The following RUNX2 variants were observed in gnomAD, a reference collection of about 807,000 sequenced individuals.
RUNX2 encodes the protein RUNX family transcription factor 2.
In RUNX2, 10 loss-of-function variants were observed where a neutral mutation model predicts 51.7. The ratio of observed to expected loss-of-function variants is 0.19; its 90% CI spans 0.12 to 0.33. The LOEUF is 0.33. Ranked by LOEUF, RUNX2 falls within the 10% of genes least tolerant of loss-of-function variation. The pLI is 1.00. For synonymous variants in RUNX2, 276 were observed against 273.6 expected, an observed-to-expected ratio of 1.01 and a Z score of -0.09; for missense variants, 562 against 691.3, an observed-to-expected ratio of 0.81 and a Z score of 2.10.
At chr6:45,393,679 C>T (rs894759201) in intron 2 of RUNX2, among the ~76,000 whole-genome samples, 6 of 152,146 alleles carry the variant, frequency 3.9e-5, no homozygotes, top group Admixed American at 2.0e-4. Flanking sequence ...CTACCCACCT[C>T]GGCCTCCCAA....
chr6:45,527,976 T>C (rs549899741), intron 7 of RUNX2, among the ~76,000 whole-genome samples: 86 of 152,316 alleles, frequency 5.6e-4, no homozygotes, highest in South Asian at 1.5e-3. Flanking sequence ...GACTCACAGT[T>C]CCACATGGTT....
intron 7 of RUNX2, among the ~76,000 whole-genome samples, chr6:45,524,218 AATTTTTTT>A (rs1251290909): frequency 6.6e-6 from 1 of 152,218 alleles, no homozygotes; most frequent in Non-Finnish European, 1.5e-5. Context: ...ATACTGCCTA[AATTTTTTT>A]ATATGACTCA....
intron 2 of RUNX2, among the ~76,000 whole-genome samples, chr6:45,387,931 GA>G (rs1162275517): frequency 6.6e-6 from 1 of 152,208 alleles, no homozygotes; most frequent in Non-Finnish European, 1.5e-5. Flanking sequence ...TAGTGACTTG[GA>G]AAGTCCTATA....
chr6:45,392,297 G>A (rs1033781137), intron 2 of RUNX2, among the ~76,000 whole-genome samples: 1 of 152,114 alleles, frequency 6.6e-6, no homozygotes, highest in Non-Finnish European at 1.5e-5. Context: ...TTGAGGCTGG[G>A]AGTTTGAGAC....
At chr6:45,381,918 C>G (rs1230161309) in intron 2 of RUNX2, among the ~76,000 whole-genome samples, 1 of 152,082 alleles carries the variant, frequency 6.6e-6, no homozygotes, top group Non-Finnish European at 1.5e-5. Context: ...TTTTACAGTA[C>G]CAGGTAGCTT....
At chr6:45,438,191 G>A in intron 5 of RUNX2, 140 bp downstream of exon 5, 1 of 647,234 alleles carries the variant, frequency 1.5e-6, no homozygotes. Flanking sequence ...TTTTTTTAGT[G>A]AGGGAGAGTT....
At chr6:45,374,072 C>A (rs531321726) in intron 2 of RUNX2, among the ~76,000 whole-genome samples, 5 of 152,306 alleles carry the variant, frequency 3.3e-5, no homozygotes, top group African/African-American at 1.2e-4. Context: ...ATGCCACCAA[C>A]AGTCCTATGA....
At chr6:45,538,976 A>G (rs1195397793) in intron 7 of RUNX2, among the ~76,000 whole-genome samples, 1 of 152,004 alleles carries the variant, frequency 6.6e-6, no homozygotes, top group Non-Finnish European at 1.5e-5. Context: ...TAGGATTTAA[A>G]AAGTTCTTAA....
chr6:45,383,718 T>C (rs1182375857), intron 2 of RUNX2, among the ~76,000 whole-genome samples: 2 of 152,240 alleles, frequency 1.3e-5, no homozygotes, highest in African/African-American at 2.4e-5. Context: ...AGTATTTTCA[T>C]TGAAACTGAA....
chr6:45,357,200 G>T (rs1581864246), intron 2 of RUNX2, among the ~76,000 whole-genome samples: 1 of 151,914 alleles, frequency 6.6e-6, no homozygotes, highest in Non-Finnish European at 1.5e-5. Flanking sequence ...GTAGAGACGG[G>T]GTTTCACCAT....
chr6:45,541,674 T>G (rs1326088334), intron 7 of RUNX2, among the ~76,000 whole-genome samples: 1 of 152,244 alleles, frequency 6.6e-6, no homozygotes, highest in Non-Finnish European at 1.5e-5. Context: ...GGACTCTGAA[T>G]ATGCCAGCAT....
chr6:45,458,419 A>G (rs539145123), intron 5 of RUNX2, among the ~76,000 whole-genome samples: 13 of 152,342 alleles, frequency 8.5e-5, no homozygotes, highest in African/African-American at 3.1e-4. Flanking sequence ...AACTACCTAG[A>G]GTCTGTGTTT....
chr6:45,443,028 A>C (rs1798884672), intron 5 of RUNX2, among the ~76,000 whole-genome samples: 1 of 139,162 alleles, frequency 7.2e-6, no homozygotes, highest in Admixed American at 7.4e-5. Context: ...GAGAGTTCTC[A>C]GGCCTTGCTT....
chr6:45,437,808 A>G (rs1798727565), intron 4 of RUNX2, 139 bp from the exon 5 acceptor site: 1 of 720,826 alleles, frequency 1.4e-6, no homozygotes, highest in Non-Finnish European at 2.5e-6. Flanking sequence ...CCAATTTAGA[A>G]GAAGGAGTCC....
chr6:45,384,095 A>G (rs1563062011), intron 2 of RUNX2, among the ~76,000 whole-genome samples: 1 of 152,244 alleles, frequency 6.6e-6, no homozygotes, highest in Non-Finnish European at 1.5e-5. Flanking sequence ...CTTTAGCCAT[A>G]ATGCTGGGCA....
In RUNX2 at chr6:45,547,013, C is replaced by T. The variant is rs761701398; in HGVS notation, c.1274C>T (p.Pro425Leu). 6.2e-7 allele frequency: 1 copy of T among 1,614,120 alleles called. No homozygotes were observed. The highest frequency in any genetic ancestry group is 1.1e-5 in the South Asian group (1 of 91,070). ...TTHYHTYLPP[P>L]YPGSSQSQSG... ...CACTACCACACCTACCTGCCACCAC[C>T]CTACCCCGGCTCTTCCCAAAGCCAG... The change falls in exon 9 of 9, where the codon CCC (proline) becomes CTC (leucine). Residue 425 changes from proline (P) to leucine (L), a missense_variant. Coordinates refer to ENST00000647337, the MANE Select transcript of RUNX2 (RefSeq NM_001024630.4).
chr6:45,414,897 G>A (rs893906533), intron 2 of RUNX2, among the ~76,000 whole-genome samples: 25 of 151,604 alleles, frequency 1.6e-4, no homozygotes, highest in Admixed American at 1.5e-3. Flanking sequence ...ATGTCAGGAC[G>A]ACTGTGGGAA....
At chr6:45,475,649 T>C (rs986491395) in intron 5 of RUNX2, among the ~76,000 whole-genome samples, 1 of 152,258 alleles carries the variant, frequency 6.6e-6, no homozygotes, top group East Asian at 1.9e-4. Flanking sequence ...CTGTATTTAT[T>C]GATCTCCCCT....
chr6:45,547,522 C>T lies in RUNX2; in HGVS notation c.*217C>T, dbSNP rs1802439199. ...AAGGCTCAAGAGAGACAATTGCAAT[C>T]GAGCTTCAGATTGTTTACTATTTAA... On this transcript the variant is annotated 3_prime_UTR_variant, in exon 9 of 9. Coordinates refer to ENST00000647337, the MANE Select transcript of RUNX2 (RefSeq NM_001024630.4). 2.2e-5 allele frequency: 13 copies of T among 584,562 alleles called. No individual in the cohort carries two copies. The Admixed American group carries it at 2.7e-4, about 12-fold the overall frequency. 36.2% of individuals were successfully genotyped at this position (584,562 alleles called of 1,614,324 possible).
Sources: gnomAD v4.1 joint callset for allele counts (sites outside exome capture counted in the v4.1 genomes callset) on GRCh38, gnomAD v4.1.1 for gene constraint, MANE v1.5 for transcripts, NCBI Gene and HGNC (gene_info 2026-07-23, HGNC 2026-07-21) for gene names.